ANKRD26: variants seen among roughly 807,000 people sequenced by gnomAD.
ANKRD26 encodes ankyrin repeat domain 26, also known as ankyrin repeat domain-containing protein 26.
ANKRD26 carries 141 observed loss-of-function variants against 208.7 expected under a neutral mutation model. The observed-to-expected ratio is 0.68, with a 90% CI of 0.59 to 0.78. The LOEUF (loss-of-function observed/expected upper bound fraction) is 0.78, where lower values mean the gene tolerates loss of function less well. Ranked by LOEUF, ANKRD26 falls within the 30% of genes least tolerant of loss-of-function variation. The pLI is 0.00. For synonymous variants in ANKRD26, 636 were observed against 660.4 expected (o/e 0.96, Z 0.57); for missense variants, 1,889 against 1,938.7 (o/e 0.97, Z 0.48).
chr10:26,985,730 G>A (rs933543858), intron 3 of ANKRD26, among the ~76,000 whole-genome samples: 1 of 152,114 alleles, frequency 6.6e-6, no homozygotes, highest in Non-Finnish European at 1.5e-5. Context: ...CCCCAAGAAG[G>A]TTAAATATCC....
chr10:27,038,132 T>C, intron 21 of ANKRD26, 78 bp from the exon 22 acceptor site: 1 of 1,176,236 alleles, frequency 8.5e-7, no homozygotes, highest in Non-Finnish European at 1.2e-6. Context: ...CCGCTTTGTA[T>C]GTTGGTTTAT....
chr10:27,092,620 A>G, intron 3 of ANKRD26, 108 bp from the exon 4 acceptor site: 1 of 871,836 alleles, frequency 1.1e-6, no homozygotes, highest in Non-Finnish European at 1.8e-6. Flanking sequence ...AATAGAAAAC[A>G]AATAAAAAAC....
chr10:27,080,754 C>G (rs11015506), intron 6 of ANKRD26: 28,484 of 985,406 alleles, frequency 0.029, 481 homozygotes, highest in African/African-American at 0.054. Context: ...AGAGTAGAAG[C>G]TCTCTATATC....
the ANKRD26 span, among the ~76,000 whole-genome samples, chr10:26,949,139 A>G: frequency 5.1e-3 from 773 of 152,286 alleles, 4 homozygotes; most frequent in Middle Eastern, 0.02. Flanking sequence ...AGGTACAGAA[A>G]ATTTTAATGG....
chr10:27,023,763 T>C (rs917936855), intron 28 of ANKRD26, among the ~76,000 whole-genome samples: 44 of 152,272 alleles, frequency 2.9e-4, no homozygotes, highest in African/African-American at 1.0e-3. Flanking sequence ...AAAGCAGCCA[T>C]GTTAGGGGCT....
chr10:27,038,110 T>A, intron 21 of ANKRD26, 56 bp from the exon 22 acceptor site: 1 of 1,410,322 alleles, frequency 7.1e-7, no homozygotes, highest in South Asian at 1.2e-5. Flanking sequence ...AAAAAGTTCA[T>A]TGTGTGATAT....
chr10:27,091,382 T>A (rs1472263917), intron 4 of ANKRD26, among the ~76,000 whole-genome samples: 2 of 152,192 alleles, frequency 1.3e-5, no homozygotes, highest in Non-Finnish European at 2.9e-5. Context: ...ATGGCTTGTC[T>A]TCAATAAAGG....
downstream of ANKRD26, among the ~76,000 whole-genome samples, chr10:26,970,207 A>G (rs1320897123): frequency 6.6e-6 from 1 of 152,014 alleles, no homozygotes; most frequent in Non-Finnish European, 1.5e-5. Context: ...GGGCCCTGAT[A>G]GAGTTTGGAT....
At position 27,077,626 on chromosome 10, in the gene ANKRD26, A is replaced by G; in HGVS notation, c.874+7T>C. On this transcript the variant is annotated splice_region_variant and intron_variant, in intron 8 of 33. Transcript: ENST00000376087. ...ACACAAGAATAAGCAGTTTTCAAAC[A>G]GCTTACAATTTTTCCTGGATTGCTG... is the stretch of plus-strand genomic sequence containing the variant. 6.2e-7 allele frequency: 1 copy of G among 1,613,280 alleles called. No homozygotes were observed.
intron 15 of ANKRD26, among the ~76,000 whole-genome samples, chr10:27,055,494 T>C (rs967873010): frequency 1.9e-4 from 29 of 152,188 alleles, no homozygotes; most frequent in African/African-American, 6.8e-4. Context: ...ATAAAAAAAT[T>C]ATATGATTTA....
chr10:27,042,525 G>A (rs11015472), intron 20 of ANKRD26, among the ~76,000 whole-genome samples: 14,462 of 151,996 alleles, frequency 0.095, 2,223 homozygotes, highest in African/African-American at 0.33. Flanking sequence ...AGGCCAAGGC[G>A]GGTGGATCCG....
chr10:27,069,133 T>C (rs930181848), intron 9 of ANKRD26, among the ~76,000 whole-genome samples: 2 of 137,482 alleles, frequency 1.5e-5, no homozygotes, highest in African/African-American at 5.7e-5. Flanking sequence ...AGGCAGAGCT[T>C]GCGGTGAACA....
chr10:27,077,116 C>A (rs573798366), intron 9 of ANKRD26: 2 of 553,348 alleles, frequency 3.6e-6, no homozygotes, highest in South Asian at 2.3e-5. Context: ...ACTAGCAAAC[C>A]GAATCCAACA....
At chr10:27,051,353 CAT>C (rs1305219492) in intron 16 of ANKRD26, 4 of 1,253,908 alleles carry the variant, frequency 3.2e-6, no homozygotes, top group Non-Finnish European at 4.1e-6. Flanking sequence ...TTATGTGAAA[CAT>C]ATGATTCATT....
chr10:27,014,544 G>C lies in ANKRD26; in HGVS notation c.4674C>G (p.Leu1558=). ...NKTELEKYKQ[L]YLEELKVRKS... is the part of the protein sequence containing the mutation. Reference sequence around the variant, plus strand: ...TTCTAACTTTTAATTCTTCTAGATAGAGTTGCTTATATTTTTCCAGTTCGG... The same window carrying C: ...TTCTAACTTTTAATTCTTCTAGATACAGTTGCTTATATTTTTCCAGTTCGG... Residue 1558 remains leucine (L), a synonymous_variant, in exon 31 of 34, where the codon CTC becomes CTG. Coordinates refer to ENST00000376087, the MANE Select transcript of ANKRD26 (RefSeq NM_014915.3). The C allele has an allele frequency of 1.3e-6, 2 of 1,599,618 alleles. No individual in the cohort carries two copies.
chr10:27,068,970 C>T (rs886365857), intron 9 of ANKRD26, among the ~76,000 whole-genome samples: 5 of 151,648 alleles, frequency 3.3e-5, no homozygotes, highest in African/African-American at 1.2e-4. Context: ...AAGAAGTGGG[C>T]GGATCATGAT....
Position 27,100,482 on chromosome 10 carries a change from T to G in ANKRD26, c.-156A>C, listed in dbSNP as rs2056616606. 4 of 1,165,806 alleles carry G rather than the reference T, an allele frequency of 3.4e-6. No individual in the cohort carries two copies. In the African/African-American group the frequency reaches 6.2e-5, roughly 18 times the overall value. 72.2% of individuals were successfully genotyped at this position (1,165,806 alleles called of 1,614,324 possible). A position where few individuals can be genotyped will look rare whatever the true frequency, so the allele number is the denominator to read the frequency against. On this transcript the variant is annotated 5_prime_UTR_variant, in exon 1 of 34. Coordinates refer to ENST00000376087, the MANE Select transcript of ANKRD26 (RefSeq NM_014915.3). The stretch of plus-strand genomic sequence containing the variant: ...TCCCTCCGGGTTACCAAGCAAGCGA[T>G]CCCGCTAGACACAAGTGCGCATGCG...
At chr10:27,036,917 A>G (rs911980573) in intron 23 of ANKRD26, among the ~76,000 whole-genome samples, 2 of 152,142 alleles carry the variant, frequency 1.3e-5, no homozygotes, top group Non-Finnish European at 1.5e-5. Context: ...AAGACCATCA[A>G]TTCTTACGGA....
chr10:27,046,060 AAAGAAGGCTCCCTTG>A (rs951992508), intron 18 of ANKRD26: 5 of 288,334 alleles, frequency 1.7e-5, no homozygotes. Context: ...AATAAAAAAG[AAAGAAGGCTCCCTTG>A]AATCCCACAT....
Sources: allele counts gnomAD v4.1 joint callset (sites outside exome capture counted in the v4.1 genomes callset), GRCh38; gene constraint gnomAD v4.1.1; transcripts MANE v1.5; gene names NCBI Gene and HGNC (gene_info 2026-07-23, HGNC 2026-07-21).